Variants in SPATS2L observed in about 807,000 individuals in gnomAD.
The protein encoded by SPATS2L is spermatogenesis associated serine rich 2 like.
In SPATS2L, 30 loss-of-function variants were observed where a neutral mutation model predicts 59.6. The observed-to-expected ratio is 0.50, with a 90% CI of 0.38 to 0.68. The LOEUF (loss-of-function observed/expected upper bound fraction) is 0.68. Ranked by LOEUF, SPATS2L falls within the 30% of genes least tolerant of loss-of-function variation. The pLI, the probability that SPATS2L is intolerant of heterozygous loss-of-function variation, is 0.00. For missense variants in SPATS2L, 615 were observed against 700.0 expected, an observed-to-expected ratio of 0.88 and a Z score of 1.37; for synonymous variants, 252 against 263.5, an observed-to-expected ratio of 0.96 and a Z score of 0.42.
chr2:200,317,250 T>C (rs2079411898), intron 1 of SPATS2L, among the ~76,000 whole-genome samples: 1 of 152,248 alleles, frequency 6.6e-6, no homozygotes. Flanking sequence ...AGACCTGATT[T>C]TGAGTCATGC....
At chr2:200,311,633 C>T (rs1195619345) in intron 1 of SPATS2L, among the ~76,000 whole-genome samples, 2 of 152,132 alleles carry the variant, frequency 1.3e-5, no homozygotes, top group African/African-American at 4.8e-5. Context: ...ATCTGGGCAC[C>T]CATCTGAGGG....
chr2:200,360,557 G>A (rs1050244196), intron 2 of SPATS2L, among the ~76,000 whole-genome samples: 2 of 152,160 alleles, frequency 1.3e-5, no homozygotes, highest in East Asian at 1.9e-4. Context: ...GGATCCTATC[G>A]GAGTGGGGAG....
intron 2 of SPATS2L, among the ~76,000 whole-genome samples, chr2:200,362,797 A>G (rs1048033527): frequency 2.0e-5 from 3 of 152,198 alleles, no homozygotes; most frequent in African/African-American, 7.2e-5. Context: ...ATCTAAGGAT[A>G]TAAAGAAGGA....
chr2:200,370,829 T>C (rs2081405773), intron 2 of SPATS2L, among the ~76,000 whole-genome samples: 1 of 152,164 alleles, frequency 6.6e-6, no homozygotes, highest in Non-Finnish European at 1.5e-5. Flanking sequence ...ATAAATGATA[T>C]CCTTCAATTT....
intron 8 of SPATS2L, among the ~76,000 whole-genome samples, chr2:200,450,022 A>G (rs577386554): frequency 1.3e-5 from 2 of 152,238 alleles, no homozygotes; most frequent in Non-Finnish European, 2.9e-5. Context: ...GCATTTTCCA[A>G]GGTTTATTAA....
intron 3 of SPATS2L, among the ~76,000 whole-genome samples, chr2:200,404,637 T>C (rs1403354935): frequency 6.6e-6 from 1 of 152,120 alleles, no homozygotes; most frequent in Admixed American, 6.5e-5. Flanking sequence ...GTGTGGTCCA[T>C]TGCATTCATT....
At chr2:200,427,137 T>C (rs929295223) in intron 6 of SPATS2L, among the ~76,000 whole-genome samples, 1 of 152,202 alleles carries the variant, frequency 6.6e-6, no homozygotes, top group East Asian at 1.9e-4. Flanking sequence ...CAGTTACAAA[T>C]GGACTTAATT....
chr2:200,404,929 C>G (rs1000270038), intron 3 of SPATS2L, among the ~76,000 whole-genome samples: 4 of 152,152 alleles, frequency 2.6e-5, no homozygotes, highest in Non-Finnish European at 5.9e-5. Flanking sequence ...TCTTCCATCT[C>G]CATCAAATTA....
At chr2:200,394,607 G>A (rs757436674) in intron 3 of SPATS2L, among the ~76,000 whole-genome samples, 3 of 152,120 alleles carry the variant, frequency 2.0e-5, no homozygotes, top group East Asian at 1.9e-4. Context: ...GAATGGACAC[G>A]CCTGCTTGAA....
At chr2:200,440,962 A>G (rs1361005187) in intron 8 of SPATS2L, among the ~76,000 whole-genome samples, 178 bp downstream of exon 8, 1 of 152,192 alleles carries the variant, frequency 6.6e-6, no homozygotes, top group Non-Finnish European at 1.5e-5. Flanking sequence ...AAAGAAGATA[A>G]AGTATTTGAA....
At chr2:200,335,942 G>C (rs1229102780) in intron 2 of SPATS2L, among the ~76,000 whole-genome samples, 1 of 152,150 alleles carries the variant, frequency 6.6e-6, no homozygotes, top group Non-Finnish European at 1.5e-5. Context: ...CCAGCTCAGG[G>C]GCTTCCTAGT....
chr2:200,309,837 A>G (rs376682614), intron 1 of SPATS2L, among the ~76,000 whole-genome samples: 6 of 152,158 alleles, frequency 3.9e-5, no homozygotes, highest in African/African-American at 1.4e-4. Flanking sequence ...CAAAATGGCT[A>G]ATTTGGAGTT....
chr2:200,343,665 T>C (rs906543572), intron 2 of SPATS2L, among the ~76,000 whole-genome samples: 3 of 152,184 alleles, frequency 2.0e-5, no homozygotes, highest in Admixed American at 6.5e-5. Flanking sequence ...TTGTTTATAA[T>C]ATAGTAAACA....
chr2:200,395,236 A>C (rs2082294036), intron 3 of SPATS2L, among the ~76,000 whole-genome samples: 1 of 152,264 alleles, frequency 6.6e-6, no homozygotes, highest in Non-Finnish European at 1.5e-5. Context: ...TAGACAAAAT[A>C]GAAATTTTAG....
At chr2:200,414,601 G>A (rs2082993907) in intron 4 of SPATS2L, among the ~76,000 whole-genome samples, 2 of 152,010 alleles carry the variant, frequency 1.3e-5, no homozygotes, top group Admixed American at 1.3e-4. Context: ...CTGCACTCCA[G>A]CCTGGGCAAC....
At position 200,477,641 on chromosome 2, in the gene SPATS2L, A is replaced by C; in HGVS notation, c.1287A>C (p.Gly429=). 1 of 1,542,548 alleles carries C rather than the reference A, an allele frequency of 6.5e-7. No individual in the cohort carries two copies. Among genetic ancestry groups the C allele is most frequent in the East Asian group, 2.4e-5 (1 of 41,616 alleles). The part of the protein sequence containing the change: ...HQTMPANKQN[G]SSNQRRRFNP... ...TCTCTTTTCTTTTTTGGTAGAATGG[A>C]TCTTCTAACCAAAGACGGAGATTTA... The change falls in exon 13 of 13, where the codon GGA becomes GGC. Residue 429 remains glycine, a synonymous_variant. Coordinates refer to ENST00000409140, the MANE Select transcript of SPATS2L (RefSeq NM_001100423.2).
chr2:200,412,320 G>A lies in SPATS2L; in HGVS notation c.49G>A (p.Val17Ile), dbSNP rs1261214710. The change falls in exon 4 of 13, where the codon GTT becomes ATT. Residue 17 changes from valine (V) to isoleucine (I), a missense_variant. Val to Ile is a conservative substitution (Grantham distance 29). Around this residue, in one of 3 missense-constraint regions of SPATS2L, gnomAD observed 227 missense variants for 257.4 expected, o/e 0.88. Transcript: ENST00000409140. ...TTTTTTTCCTTTACAGATCTATGCA[G>A]TTAGATCAGTTGTTCCCAACAAAAG... ...HVNVKEKIYA[V>I]RSVVPNKSNN... is the part of the protein sequence containing the mutation. 3.2e-6 allele frequency: 5 copies of A among 1,553,668 alleles called. No individual in the cohort carries two copies. The highest frequency in any genetic ancestry group is 3.5e-6 in the Non-Finnish European group (4 of 1,137,766).
intron 3 of SPATS2L, among the ~76,000 whole-genome samples, chr2:200,394,642 T>C (rs139232412): frequency 8.6e-4 from 131 of 152,348 alleles, no homozygotes; most frequent in African/African-American, 3.1e-3. Flanking sequence ...AGAGACTTCA[T>C]TTCCCATTTA....
chr2:200,382,062 G>T (rs2081832130), intron 2 of SPATS2L, among the ~76,000 whole-genome samples: 1 of 152,010 alleles, frequency 6.6e-6, no homozygotes. Flanking sequence ...TTTTTGGTGG[G>T]GTCGGGGTTG....
Sources: allele counts gnomAD v4.1 joint callset (sites outside exome capture counted in the v4.1 genomes callset), GRCh38; gene constraint gnomAD v4.1.1; regional missense constraint gnomAD v4.1.1; transcripts MANE v1.5; gene names NCBI Gene and HGNC (gene_info 2026-07-23, HGNC 2026-07-21).